PLEKHA7: variants seen among roughly 807,000 people sequenced by gnomAD.
PLEKHA7 encodes pleckstrin homology domain containing A7.
PLEKHA7 carries 104 observed loss-of-function variants against 170.0 expected under a neutral mutation model. The ratio of observed to expected loss-of-function variants is 0.61; its 90% CI spans 0.52 to 0.72. The LOEUF (loss-of-function observed/expected upper bound fraction) is 0.72, where lower values mean the gene tolerates loss of function less well. Among genes scored for constraint, PLEKHA7 ranks in the 30% least tolerant of loss-of-function variants. PLEKHA7 has a pLI of 0.00. For synonymous variants in PLEKHA7, 648 were observed against 660.8 expected, an observed-to-expected ratio of 0.98 and a Z score of 0.30; for missense variants, 1,615 against 1,671.7, an observed-to-expected ratio of 0.97 and a Z score of 0.59.
At chr11:16,836,306 C>G (rs903741064) in intron 9 of PLEKHA7, among the ~76,000 whole-genome samples, 1 of 152,168 alleles carries the variant, frequency 6.6e-6, no homozygotes, top group Non-Finnish European at 1.5e-5. Context: ...ACTGTCTGAG[C>G]CTTGAACCCC....
At position 16,777,915 on chromosome 11, in the gene PLEKHA7, T is replaced by G. The variant is rs1403334740; in HGVS notation, c.*1083A>C. On this transcript the variant is annotated 3_prime_UTR_variant, in exon 27 of 27. Transcript: ENST00000531066. ...AGATGTCACCCAGTGTGGAGTTTAT[T>G]GCTACGATACAATGAAAGTTGCTTC... The G allele has an allele frequency of 6.6e-6, 1 of 152,236 alleles. No individual in the cohort carries two copies. Among genetic ancestry groups the G allele is most frequent in the Non-Finnish European group, 1.5e-5 (1 of 68,048 alleles). The allele number at this position is 152,236 out of a possible 1,614,324, so 9.4% of individuals were successfully genotyped here.
intron 3 of PLEKHA7, among the ~76,000 whole-genome samples, chr11:16,906,186 G>A (rs1475747634): frequency 6.9e-6 from 1 of 145,376 alleles, no homozygotes. Context: ...TGTGTTTGGA[G>A]ATTAGATCCT....
Position 16,948,136 on chromosome 11 carries a change from G to C in PLEKHA7, c.221+65853C>G, listed in dbSNP as rs1861164708. Among the ~76,000 whole-genome samples, 3 of 152,076 alleles carry C rather than the reference G, an allele frequency of 2.0e-5. No homozygotes were observed. In the South Asian group the frequency reaches 6.2e-4, roughly 32 times the overall value. On this transcript the variant is annotated intron_variant, in intron 3 of 26. Coordinates refer to ENST00000531066, the MANE Select transcript of PLEKHA7 (RefSeq NM_001329630.2). ...AGAGTGTAAAAAAGGTGAGCTCATA[G>C]AATCAAAGAGTAAAACGGTGGTTAC...
chr11:16,981,158 G>A (rs1863404068), intron 3 of PLEKHA7, among the ~76,000 whole-genome samples: 1 of 152,028 alleles, frequency 6.6e-6, no homozygotes, highest in African/African-American at 2.4e-5. Context: ...GCCCTTACAA[G>A]GAATGGAATA....
intron 3 of PLEKHA7, among the ~76,000 whole-genome samples, chr11:16,984,566 C>T (rs1210408090): frequency 1.3e-5 from 2 of 152,136 alleles, no homozygotes; most frequent in Admixed American, 1.3e-4. Context: ...AGATCTCTAC[C>T]CAAATGTCAT....
At chr11:16,790,982 G>T (rs1439735846) in intron 20 of PLEKHA7, 29 bp downstream of exon 20, 10 of 1,613,822 alleles carry the variant, frequency 6.2e-6, no homozygotes, top group African/African-American at 1.3e-5. Context: ...CCCACATGTA[G>T]AGTGGCAGCC....
At chr11:16,831,419 C>T (rs1479073374) in intron 9 of PLEKHA7, among the ~76,000 whole-genome samples, 1 of 152,194 alleles carries the variant, frequency 6.6e-6, no homozygotes, top group Admixed American at 6.5e-5. Flanking sequence ...GAATGAAGCA[C>T]CCCTCGGCCG....
intron 3 of PLEKHA7, among the ~76,000 whole-genome samples, chr11:16,895,301 C>G (rs144652954): frequency 1.1e-3 from 172 of 152,286 alleles, no homozygotes; most frequent in African/African-American, 3.9e-3. Context: ...GGTTAGAACC[C>G]CGAACTTGCT....
chr11:16,982,536 A>G (rs1231729829), intron 3 of PLEKHA7, among the ~76,000 whole-genome samples: 1 of 152,242 alleles, frequency 6.6e-6, no homozygotes, highest in Admixed American at 6.5e-5. Flanking sequence ...TTTAATCAGG[A>G]ACCCTAGACG....
intron 13 of PLEKHA7, 162 bp from the exon 14 acceptor site, chr11:16,803,457 T>C: frequency 1.5e-6 from 1 of 651,114 alleles, no homozygotes; most frequent in Non-Finnish European, 2.6e-6. Flanking sequence ...TCGCTATTTC[T>C]ATGCCTATTT....
intron 3 of PLEKHA7, among the ~76,000 whole-genome samples, chr11:16,936,903 T>C (rs893289949): frequency 1.2e-4 from 19 of 152,252 alleles, no homozygotes; most frequent in African/African-American, 3.4e-4. Flanking sequence ...CAGACACTTG[T>C]AGCTCTGGCT....
intron 3 of PLEKHA7, among the ~76,000 whole-genome samples, chr11:16,908,073 G>T (rs1448748282): frequency 6.6e-6 from 1 of 151,604 alleles, no homozygotes; most frequent in Non-Finnish European, 1.5e-5. Flanking sequence ...CAGCATGCTC[G>T]TTAAGAGTCA....
At chr11:16,961,894 G>A (rs12278736) in intron 3 of PLEKHA7, among the ~76,000 whole-genome samples, 8,986 of 152,280 alleles carry the variant, frequency 0.059, 854 homozygotes, top group African/African-American at 0.2. Flanking sequence ...ATTGGCTGCT[G>A]TGAGATAACA....
intron 8 of PLEKHA7, among the ~76,000 whole-genome samples, chr11:16,844,474 T>C (rs750000294): frequency 2.6e-4 from 39 of 152,220 alleles, no homozygotes; most frequent in Non-Finnish European, 5.3e-4. Flanking sequence ...TCTGGCCAAG[T>C]GACCCAAGTC....
At chr11:16,788,807 C>T (rs560612709) in intron 23 of PLEKHA7, 75 of 511,350 alleles carry the variant, frequency 1.5e-4, no homozygotes, top group African/African-American at 1.2e-3. Context: ...GCCGAGATTC[C>T]GAACGCCTGC....
chr11:16,783,373 G>C (rs2134131222), intron 25 of PLEKHA7, among the ~76,000 whole-genome samples: 1 of 152,194 alleles, frequency 6.6e-6, no homozygotes, highest in East Asian at 1.9e-4. Context: ...GCCATCACTG[G>C]AGCTGATCTC....
intron 10 of PLEKHA7, among the ~76,000 whole-genome samples, chr11:16,820,914 G>A (rs1850165202): frequency 1.3e-5 from 2 of 152,206 alleles, no homozygotes; most frequent in African/African-American, 2.4e-5. Context: ...CTATGGAGGA[G>A]GGACACAGGA....
intron 18 of PLEKHA7, 25 bp from the exon 19 acceptor site, chr11:16,794,739 G>T (rs1410983057): frequency 1.9e-6 from 3 of 1,606,366 alleles, no homozygotes; most frequent in Non-Finnish European, 2.6e-6. Flanking sequence ...AGGAAACAAA[G>T]CACGGGATGG....
chr11:16,827,078 T>G (rs1850716017), intron 9 of PLEKHA7, among the ~76,000 whole-genome samples: 1 of 152,212 alleles, frequency 6.6e-6, no homozygotes, highest in Admixed American at 6.5e-5. Context: ...GTGCTACTGA[T>G]CTTGCCTTTT....
Sources: gnomAD v4.1 joint callset for allele counts (sites outside exome capture counted in the v4.1 genomes callset) on GRCh38, gnomAD v4.1.1 for gene constraint, MANE v1.5 for transcripts, NCBI Gene and HGNC (gene_info 2026-07-23, HGNC 2026-07-21) for gene names.